Variants in NALF2 observed in about 807,000 individuals in gnomAD.
NALF2 encodes bB57D9.1 (TED protein).
NALF2 carries 1 observed loss-of-function variant against 24.8 expected under a neutral mutation model. That is an observed-to-expected ratio of 0.04 (90% CI 0.01 to 0.19). The LOEUF is 0.19. NALF2 is among the 10% of genes least tolerant of loss of function. The pLI is 1.00. For synonymous variants in NALF2, 254 were observed against 189.8 expected, an observed-to-expected ratio of 1.34 and a Z score of -2.78; for missense variants, 458 against 409.6, an observed-to-expected ratio of 1.12 and a Z score of -1.02.
intron 1 of NALF2, among the ~76,000 whole-genome samples, chrX:69,520,332 AAC>A (rs1249921545): frequency 1.8e-5 from 2 of 112,190 alleles, no homozygotes; most frequent in African/African-American, 6.5e-5. Context: ...GATCCAACAT[AAC>A]ACTGCTTCCA....
At position 69,505,268 on chromosome X, in the gene NALF2, G is replaced by T. The variant is rs2147706117; in HGVS notation, c.-15G>T. 6 of 1,135,703 alleles carry T rather than the reference G, an allele frequency of 5.3e-6. No homozygotes were observed. In the South Asian group the frequency reaches 1.2e-4, roughly 23 times the overall value. The allele number at this position is 1,135,703 out of a possible 1,213,427, so 93.6% of individuals were successfully genotyped here. On this transcript the variant is annotated 5_prime_UTR_variant, in exon 1 of 3. Transcript: ENST00000252338. ...CGCGCCTGCCTGTTCCCTCCAGCCCGGACCCCCCTGAAATATGTTCAGGGG... is the reference window on the plus strand; with the variant it reads ...CGCGCCTGCCTGTTCCCTCCAGCCCTGACCCCCCTGAAATATGTTCAGGGG...
In NALF2 at chrX:69,529,001, C is replaced by T; in HGVS notation, c.870C>T (p.Tyr290=). 1 of 1,207,572 alleles carries T rather than the reference C, an allele frequency of 8.3e-7. No homozygotes were observed. The highest frequency in any genetic ancestry group is 1.1e-6 in the Non-Finnish European group (1 of 893,318). Residue 290 remains tyrosine (Y), a synonymous_variant, in exon 2 of 3, where the codon TAC becomes TAT. Coordinates refer to ENST00000252338, the MANE Select transcript of NALF2 (RefSeq NM_015686.3). ...RSCTKGCKAV[Y]KAWLCSEYFS... is the part of the protein sequence containing the mutation. The stretch of plus-strand genomic sequence containing the variant: ...CTTTCCTCTCCCCACAGGCTGTCTA[C>T]AAGGCCTGGCTGTGCTCAGAATACT...
intron 1 of NALF2, among the ~76,000 whole-genome samples, chrX:69,508,464 T>G (rs1255915869): frequency 1.8e-5 from 2 of 111,161 alleles, no homozygotes; most frequent in African/African-American, 6.6e-5. Flanking sequence ...CTCCTTTGTC[T>G]TCTTGTCTGT....
In NALF2 at chrX:69,518,451, A is replaced by C. The variant is rs774084437; in HGVS notation, c.862-10542A>C. Among the ~76,000 whole-genome samples the C allele has an allele frequency of 7.1e-5, 8 of 112,063 alleles. No individual in the cohort carries two copies. In the South Asian group the frequency reaches 2.6e-3, roughly 37 times the overall value. On this transcript the variant is annotated intron_variant, in intron 1 of 2. Coordinates refer to ENST00000252338, the MANE Select transcript of NALF2 (RefSeq NM_015686.3). ...CATATATATGTGTATACACACACAC[A>C]CACCCCAAGCCTCACTCTTCAGAGT... is the stretch of plus-strand genomic sequence containing the variant.
intron 1 of NALF2, among the ~76,000 whole-genome samples, chrX:69,523,964 G>A (rs901806549): frequency 3.6e-5 from 4 of 111,797 alleles, no homozygotes; most frequent in East Asian, 2.8e-4. Context: ...CTCCCAAACC[G>A]ATGGTTCTCA....
chrX:69,521,740 T>C (rs1930737809), intron 1 of NALF2, among the ~76,000 whole-genome samples: 1 of 112,102 alleles, frequency 8.9e-6, no homozygotes, highest in Non-Finnish European at 1.9e-5. Flanking sequence ...TTTGGTAAAG[T>C]TGAAAAAGTG....
In NALF2 at chrX:69,526,248, G is replaced by A. The variant is rs968663980; in HGVS notation, c.862-2745G>A. On this transcript the variant is annotated intron_variant, in intron 1 of 2. Coordinates refer to ENST00000252338, the MANE Select transcript of NALF2 (RefSeq NM_015686.3). ...TTGCTTAAGCTATTGTCTCAGCCTGGAATGCCCATTTACCTCATCTCTACC... is the reference window on the plus strand; with the variant it reads ...TTGCTTAAGCTATTGTCTCAGCCTGAAATGCCCATTTACCTCATCTCTACC... Among the ~76,000 whole-genome samples the A allele has an allele frequency of 1.9e-4, 21 of 111,400 alleles. No homozygotes were observed. The Admixed American group carries it at 1.9e-3, about 10-fold the overall frequency.
Position 69,529,597 on chromosome X carries a change from C to G in NALF2, c.1060C>G (p.Leu354Val). 3 of 1,210,397 alleles carry G rather than the reference C, an allele frequency of 2.5e-6. No homozygotes were observed. The highest frequency in any genetic ancestry group is 3.4e-6 in the Non-Finnish European group (3 of 894,832). The change falls in exon 3 of 3, where the codon CTG (leucine) becomes GTG (valine). Residue 354 changes from leucine to valine, a missense_variant. By Grantham distance (32) the Leu-to-Val change is conservative. Coordinates refer to ENST00000252338, the MANE Select transcript of NALF2 (RefSeq NM_015686.3). ...TGLLDTSPKR[L>V]ETKCCDVQWV... Reference sequence around the variant, plus strand: ...GTTGCTGGATACTTCACCAAAGCGTCTGGAAACCAAGTGCTGTGACGTGCA... The same window carrying G: ...GTTGCTGGATACTTCACCAAAGCGTGTGGAAACCAAGTGCTGTGACGTGCA...
At position 69,529,005 on chromosome X, in the gene NALF2, G is replaced by A; in HGVS notation, c.874G>A (p.Ala292Thr). 1 of 1,208,591 alleles carries A rather than the reference G, an allele frequency of 8.3e-7. No individual in the cohort carries two copies. ...CCTCTCCCCACAGGCTGTCTACAAG[G>A]CCTGGCTGTGCTCAGAATACTTCAG... ...CTKGCKAVYK[A>T]WLCSEYFSVT... Residue 292 changes from alanine to threonine, a missense_variant, in exon 2 of 3, where the codon GCC becomes ACC. By Grantham distance (58) the Ala-to-Thr change is moderately conservative. Coordinates refer to ENST00000252338, the MANE Select transcript of NALF2 (RefSeq NM_015686.3).
At position 69,505,963 on chromosome X, in the gene NALF2, C is replaced by G. The variant is rs368057024; in HGVS notation, c.681C>G (p.Asp227Glu). 9.9e-6 allele frequency: 12 copies of G among 1,210,211 alleles called. No individual in the cohort carries two copies. The African/African-American group carries it at 1.6e-4, about 16-fold the overall frequency. ...GTAGCCTGGACACCCTGATGGGGGA[C>G]CTGCTGGCCGTGGTGGCCAGCCCGG... ...LDCSLDTLMGDLLAVVASPGS... is the reference protein window; with the variant it reads ...LDCSLDTLMGELLAVVASPGS... The change falls in exon 1 of 3, where the codon GAC becomes GAG. Residue 227 changes from aspartate (D) to glutamate (E), a missense_variant. By Grantham distance (45) the Asp-to-Glu change is conservative. Coordinates refer to ENST00000252338, the MANE Select transcript of NALF2 (RefSeq NM_015686.3).
Position 69,530,609 on chromosome X carries a change from AAG to A in NALF2, c.*658_*659del, listed in dbSNP as rs1474986845. On this transcript the variant is annotated 3_prime_UTR_variant, in exon 3 of 3. Transcript: ENST00000252338. Reference sequence around the variant, plus strand: ...GAAAGGGGTACAGAATGAATGGTGAAAGAGAGTGGAGATACGGAAGGGGGAGA... The same window carrying A: ...GAAAGGGGTACAGAATGAATGGTGAAAGAGTGGAGATACGGAAGGGGGAGA... 1.8e-5 allele frequency: 2 copies of A among 112,644 alleles called. No individual in the cohort carries two copies. Among genetic ancestry groups the A allele is most frequent in the East Asian group, 2.8e-4 (1 of 3,557 alleles). 9.3% of individuals were successfully genotyped at this position (112,644 alleles called of 1,213,427 possible).
chrX:69,505,564 C>A lies in NALF2; in HGVS notation c.282C>A (p.Arg94=), dbSNP rs755896125. The stretch of plus-strand genomic sequence containing the variant: ...GGGAGCGGCAGCCGGTGCCTCCTCG[C>A]GCGGTGCTGCCGCTGCCGCCGCCGC... ...AGRERQPVPP[R]AVLPLPPPPP... is the part of the protein sequence containing the mutation. Residue 94 remains arginine, a synonymous_variant, in exon 1 of 3, where the codon CGC becomes CGA. Transcript: ENST00000252338. 10 of 974,602 alleles carry A rather than the reference C, an allele frequency of 1.0e-5. No homozygotes were observed. The South Asian group carries it at 3.6e-4, about 35-fold the overall frequency. 80.3% of individuals were successfully genotyped at this position (974,602 alleles called of 1,213,427 possible).
At position 69,505,567 on chromosome X, in the gene NALF2, G is replaced by T; in HGVS notation, c.285G>T (p.Ala95=). 3 of 961,744 alleles carry T rather than the reference G, an allele frequency of 3.1e-6. No homozygotes were observed. Among genetic ancestry groups the T allele is most frequent in the South Asian group, 1.0e-4 (2 of 19,675 alleles). 79.3% of individuals were successfully genotyped at this position (961,744 alleles called of 1,213,427 possible). A position where few individuals can be genotyped will look rare whatever the true frequency, so the allele number is the denominator to read the frequency against. The change falls in exon 1 of 3, where the codon GCG becomes GCT. Residue 95 remains alanine (A), a synonymous_variant. Transcript: ENST00000252338. ...AGCGGCAGCCGGTGCCTCCTCGCGC[G>T]GTGCTGCCGCTGCCGCCGCCGCCGC... ...GRERQPVPPR[A]VLPLPPPPPG...
chrX:69,532,020 C>T lies in NALF2; in HGVS notation c.*2064C>T, dbSNP rs878928888. 2.7e-5 allele frequency: 3 copies of T among 112,417 alleles called. No homozygotes were observed. In the South Asian group the frequency reaches 1.1e-3, roughly 42 times the overall value. 9.3% of individuals were successfully genotyped at this position (112,417 alleles called of 1,213,427 possible). On this transcript the variant is annotated 3_prime_UTR_variant, in exon 3 of 3. Transcript: ENST00000252338. ...ACCATATGGCCCCAGGGAATGGACC[C>T]TTGGAGACTCCCATCCTCTCTTCCC...
intron 1 of NALF2, among the ~76,000 whole-genome samples, chrX:69,510,981 T>C (rs1166370309): frequency 9.4e-6 from 1 of 106,409 alleles, no homozygotes; most frequent in Non-Finnish European, 1.9e-5. Context: ...CCAACCTCCA[T>C]GTTCTTCCCA....
intron 1 of NALF2, among the ~76,000 whole-genome samples, chrX:69,525,308 C>T (rs757825783): frequency 9.0e-6 from 1 of 111,395 alleles, no homozygotes; most frequent in South Asian, 3.8e-4. Flanking sequence ...TGGGAGGGGG[C>T]CGATTGCACA....
At chrX:69,517,719 G>A (rs1383380711) in intron 1 of NALF2, among the ~76,000 whole-genome samples, 9 of 111,681 alleles carry the variant, frequency 8.1e-5, no homozygotes, top group African/African-American at 2.9e-4. Flanking sequence ...GAAGGCACAA[G>A]GATATACTTA....
chrX:69,516,969 G>T (rs771829621), intron 1 of NALF2, among the ~76,000 whole-genome samples: 1 of 111,682 alleles, frequency 9.0e-6, no homozygotes, highest in Non-Finnish European at 1.9e-5. Flanking sequence ...TTAGAGTCAC[G>T]CCTCCCATCC....
intron 1 of NALF2, among the ~76,000 whole-genome samples, chrX:69,518,517 A>C (rs759931608): frequency 9.0e-6 from 1 of 110,583 alleles, no homozygotes; most frequent in South Asian, 3.9e-4. Flanking sequence ...TCTGATATTT[A>C]CCTCAATATT....
Sources: allele counts gnomAD v4.1 joint callset (sites outside exome capture counted in the v4.1 genomes callset), GRCh38; gene constraint gnomAD v4.1.1; transcripts MANE v1.5; gene names NCBI Gene and HGNC (gene_info 2026-07-23, HGNC 2026-07-21).